ERC2: variants seen among roughly 807,000 people sequenced by gnomAD.
The protein encoded by ERC2 is ELKS/RAB6-interacting/CAST family member 2.
Under a neutral mutation model 114.8 loss-of-function variants are expected in ERC2, and 42 were observed. The observed-to-expected ratio is 0.37, with a 90% CI of 0.29 to 0.47. ERC2 has a LOEUF of 0.47. Ranked by LOEUF, ERC2 falls within the 20% of genes least tolerant of loss-of-function variation. The pLI is 0.99. For synonymous variants in ERC2, 454 were observed against 425.5 expected (o/e 1.07, Z -0.82); for missense variants, 939 against 1,150.7 (o/e 0.82, Z 2.66).
At chr3:56,217,938 G>T (rs6794606) in intron 3 of ERC2, among the ~76,000 whole-genome samples, 65,738 of 148,790 alleles carry the variant, frequency 0.44, 14,795 homozygotes, top group East Asian at 0.71. Context: ...CTAGCCATAT[G>T]TAGAAAGCTG....
intron 17 of ERC2, among the ~76,000 whole-genome samples, chr3:55,615,520 A>G (rs984337205): frequency 6.6e-6 from 1 of 152,038 alleles, no homozygotes; most frequent in Non-Finnish European, 1.5e-5. Flanking sequence ...GGTCACAATC[A>G]CCTCACCTCC....
At chr3:55,762,185 A>G (rs1305449513) in intron 14 of ERC2, among the ~76,000 whole-genome samples, 1 of 152,210 alleles carries the variant, frequency 6.6e-6, no homozygotes, top group East Asian at 1.9e-4. Context: ...CCCATGGGCC[A>G]TACTTTCCTG....
chr3:56,393,727 C>T (rs778376332), intron 2 of ERC2, among the ~76,000 whole-genome samples: 2 of 152,162 alleles, frequency 1.3e-5, no homozygotes, highest in Non-Finnish European at 2.9e-5. Flanking sequence ...CAAAAATTCT[C>T]AAACCAAGAA....
intron 3 of ERC2, among the ~76,000 whole-genome samples, chr3:56,291,101 G>A (rs2055054736): frequency 6.6e-6 from 1 of 152,246 alleles, no homozygotes; most frequent in Non-Finnish European, 1.5e-5. Context: ...AGCAGGGTAA[G>A]TATAAGAGGA....
intron 2 of ERC2, among the ~76,000 whole-genome samples, chr3:56,432,402 T>TG (rs1226801278): frequency 3.3e-5 from 5 of 152,040 alleles, no homozygotes; most frequent in Non-Finnish European, 1.5e-5. Flanking sequence ...AGTATAAAAC[T>TG]GGGGGGAAAT....
At chr3:56,409,669 G>A (rs2060867288) in intron 2 of ERC2, among the ~76,000 whole-genome samples, 1 of 152,072 alleles carries the variant, frequency 6.6e-6, no homozygotes, top group Non-Finnish European at 1.5e-5. Context: ...TCATAGCTAG[G>A]ATATTTTAAT....
chr3:56,018,096 C>T lies in ERC2; in HGVS notation c.1779+798G>A, dbSNP rs373690751. On this transcript the variant is annotated intron_variant, in intron 8 of 17. Coordinates refer to ENST00000288221, the MANE Select transcript of ERC2 (RefSeq NM_015576.3). ...CATAACGGGGATACCTAGGAGGTGT[C>T]CCCAAGGAAATGATAAAATAATAAT... Among the ~76,000 whole-genome samples, 12 of 152,196 alleles carry T rather than the reference C, an allele frequency of 7.9e-5. No individual in the cohort carries two copies. The South Asian group carries it at 2.5e-3, about 32-fold the overall frequency.
chr3:55,722,319 G>A (rs911147757), intron 15 of ERC2, among the ~76,000 whole-genome samples: 4 of 152,074 alleles, frequency 2.6e-5, no homozygotes, highest in African/African-American at 9.7e-5. Context: ...ACTGCACGTG[G>A]GGAGCTGGCC....
Position 55,904,769 on chromosome 3 carries a change from C to T in ERC2, c.2404-16220G>A, listed in dbSNP as rs1049722765. 4.6e-5 allele frequency among the ~76,000 whole-genome samples: 7 copies of T among 152,316 alleles called. No individual in the cohort carries two copies. In the East Asian group the frequency reaches 5.8e-4, roughly 13 times the overall value. On this transcript the variant is annotated intron_variant, in intron 13 of 17. Transcript: ENST00000288221. ...TGAACTCCTCAACACCCTAGACCAC[C>T]GAGGTGTGGACAGAGCCAGCTGGCC...
chr3:56,148,556 A>G (rs562491120), intron 5 of ERC2, among the ~76,000 whole-genome samples: 1 of 152,200 alleles, frequency 6.6e-6, no homozygotes, highest in African/African-American at 2.4e-5. Flanking sequence ...CAACCTAATA[A>G]CATTTAAATG....
At chr3:56,375,820 T>C (rs1013507715) in intron 2 of ERC2, among the ~76,000 whole-genome samples, 2 of 152,198 alleles carry the variant, frequency 1.3e-5, no homozygotes, top group African/African-American at 4.8e-5. Context: ...TTAAAAACCA[T>C]GATTTCTGCC....
intron 14 of ERC2, among the ~76,000 whole-genome samples, chr3:55,751,228 T>C (rs1312397083): frequency 6.6e-6 from 1 of 152,230 alleles, no homozygotes; most frequent in Non-Finnish European, 1.5e-5. Flanking sequence ...TTGTTTGTAC[T>C]GAGTGACCGT....
chr3:55,827,068 G>C (rs1431019764), intron 14 of ERC2, among the ~76,000 whole-genome samples: 1 of 152,234 alleles, frequency 6.6e-6, no homozygotes, highest in Non-Finnish European at 1.5e-5. Flanking sequence ...ACAAAAGGAA[G>C]TAACACGGTC....
chr3:56,462,211 A>G (rs6778527), intron 1 of ERC2, among the ~76,000 whole-genome samples: 5,956 of 152,318 alleles, frequency 0.039, 276 homozygotes, highest in African/African-American at 0.11. Context: ...GCAATTCTCT[A>G]CATTACTCAT....
At chr3:56,208,187 G>A (rs2048852743) in intron 3 of ERC2, among the ~76,000 whole-genome samples, 1 of 152,152 alleles carries the variant, frequency 6.6e-6, no homozygotes, top group Non-Finnish European at 1.5e-5. Context: ...CTTGGGCAGG[G>A]TAGAATTTCC....
intron 2 of ERC2, among the ~76,000 whole-genome samples, chr3:56,418,839 A>G (rs932916557): frequency 6.6e-6 from 1 of 152,114 alleles, no homozygotes; most frequent in Non-Finnish European, 1.5e-5. Context: ...GAAGCCCTAC[A>G]CTGGCTGGAT....
chr3:55,851,526 C>A (rs2149242424), intron 14 of ERC2, among the ~76,000 whole-genome samples: 1 of 152,234 alleles, frequency 6.6e-6, no homozygotes, highest in Admixed American at 6.5e-5. Flanking sequence ...TTGAAGATCA[C>A]CAGGGCTTTA....
At chr3:56,435,283 C>A in intron 1 of ERC2, 136 bp from the exon 2 acceptor site, 4 of 269,684 alleles carry the variant, frequency 1.5e-5, no homozygotes, top group Non-Finnish European at 2.1e-5. Context: ...TAGAAAGAGC[C>A]ACACCCATAA....
At chr3:55,550,493 C>T (rs888257044) in intron 17 of ERC2, among the ~76,000 whole-genome samples, 12 of 152,158 alleles carry the variant, frequency 7.9e-5, no homozygotes, top group African/African-American at 1.2e-4. Flanking sequence ...AATTAGGTAA[C>T]ATCTACCTCA....
Sources: allele counts gnomAD v4.1 joint callset (sites outside exome capture counted in the v4.1 genomes callset), GRCh38; gene constraint gnomAD v4.1.1; transcripts MANE v1.5; gene names NCBI Gene and HGNC (gene_info 2026-07-23, HGNC 2026-07-21).